The following GTF2A1L variants were observed in gnomAD, a reference collection of about 807,000 sequenced individuals.
GTF2A1L encodes the protein general transcription factor IIA subunit 1 like.
In GTF2A1L, 48 loss-of-function variants were observed where a neutral mutation model predicts 49.7. The observed-to-expected ratio is 0.97, with a 90% CI of 0.77 to 1.23. GTF2A1L has a LOEUF of 1.23. Ranked by LOEUF, GTF2A1L falls within the 50% of genes most tolerant of loss-of-function variation. The probability of loss-of-function intolerance (pLI) is 0.00; values close to 1 mark genes in which losing one functional copy is unlikely to be tolerated. For synonymous variants in GTF2A1L, 246 were observed against 193.5 expected (o/e 1.27, Z -2.25); for missense variants, 736 against 564.8 (o/e 1.30, Z -3.07).
chr2:48,641,237 A>G (rs1193620626), intron 3 of GTF2A1L, among the ~76,000 whole-genome samples: 1 of 152,176 alleles, frequency 6.6e-6, no homozygotes, highest in Non-Finnish European at 1.5e-5. Context: ...CTGCCAGTTC[A>G]ATTCTTTCTA....
intron 3 of GTF2A1L, among the ~76,000 whole-genome samples, chr2:48,622,654 C>T (rs751302484): frequency 6.6e-6 from 1 of 151,992 alleles, no homozygotes; most frequent in African/African-American, 2.4e-5. Flanking sequence ...AACCCTGTCT[C>T]TACTTAAAAA....
intron 8 of GTF2A1L, among the ~76,000 whole-genome samples, chr2:48,676,376 G>C (rs879712441): frequency 1.3e-5 from 2 of 151,646 alleles, no homozygotes; most frequent in African/African-American, 2.4e-5. Context: ...TGGGATTCTG[G>C]GTCAAAGGGC....
chr2:48,676,050 A>G (rs1250448342), intron 8 of GTF2A1L, among the ~76,000 whole-genome samples: 1 of 151,946 alleles, frequency 6.6e-6, no homozygotes, highest in Non-Finnish European at 1.5e-5. Context: ...TTTGAATGCA[A>G]ATAAGTAGTT....
intron 6 of GTF2A1L, among the ~76,000 whole-genome samples, chr2:48,656,243 T>C (rs1438690219): frequency 2.0e-5 from 3 of 152,078 alleles, no homozygotes; most frequent in Non-Finnish European, 4.4e-5. Context: ...TTTAATCTTA[T>C]TAGGAACTGC....
intron 1 of GTF2A1L, among the ~76,000 whole-genome samples, chr2:48,618,623 C>T (rs1392950872): frequency 6.6e-6 from 1 of 152,170 alleles, no homozygotes; most frequent in Non-Finnish European, 1.5e-5. Flanking sequence ...AGTATAACAG[C>T]TCCATTTTTA....
chr2:48,674,972 G>A (rs1017776590), intron 8 of GTF2A1L, among the ~76,000 whole-genome samples: 7 of 152,246 alleles, frequency 4.6e-5, no homozygotes, highest in Middle Eastern at 3.4e-3. Context: ...GGGGAGTGAT[G>A]TAGTCAGAAG....
At chr2:48,618,598 G>C (rs1366427290) in intron 1 of GTF2A1L, among the ~76,000 whole-genome samples, 1 of 152,114 alleles carries the variant, frequency 6.6e-6, no homozygotes, top group African/African-American at 2.4e-5. Flanking sequence ...TATGGGTTCC[G>C]GGTATTATAT....
At chr2:48,632,406 CAG>C (rs756700795) in intron 3 of GTF2A1L, 1 of 149,298 alleles carries the variant, frequency 6.7e-6, no homozygotes, top group Non-Finnish European at 1.5e-5. Context: ...TTTTTTTTGA[CAG>C]AGTCTTACTC....
At chr2:48,628,491 T>C (rs1676411607) in intron 3 of GTF2A1L, among the ~76,000 whole-genome samples, 1 of 144,428 alleles carries the variant, frequency 6.9e-6, no homozygotes, top group Non-Finnish European at 1.6e-5. Context: ...TGGAGCATTT[T>C]TTCATATATT....
chr2:48,631,827 C>T (rs1299682857), intron 3 of GTF2A1L, among the ~76,000 whole-genome samples: 1 of 152,086 alleles, frequency 6.6e-6, no homozygotes, highest in Non-Finnish European at 1.5e-5. Context: ...ACTGCTTTTG[C>T]TTCATCTCAG....
At chr2:48,652,698 C>A (rs1677922118) in intron 6 of GTF2A1L, among the ~76,000 whole-genome samples, 4 of 150,774 alleles carry the variant, frequency 2.7e-5, no homozygotes, top group Admixed American at 1.3e-4. Flanking sequence ...TTATTATTAT[C>A]ATTTATTTAT....
At chr2:48,643,847 C>T (rs1023694130) in intron 4 of GTF2A1L, among the ~76,000 whole-genome samples, 3 of 151,782 alleles carry the variant, frequency 2.0e-5, no homozygotes, top group Non-Finnish European at 4.4e-5. Flanking sequence ...TACAGACGCC[C>T]GCCACCATGC....
intron 3 of GTF2A1L, among the ~76,000 whole-genome samples, chr2:48,637,158 C>T (rs138064843): frequency 5.3e-5 from 8 of 152,178 alleles, no homozygotes; most frequent in African/African-American, 1.9e-4. Context: ...AATGCGTATT[C>T]ACAAAGAAGA....
chr2:48,624,469 TAGA>T (rs1294039436), intron 3 of GTF2A1L, among the ~76,000 whole-genome samples: 1 of 143,724 alleles, frequency 7.0e-6, no homozygotes. Flanking sequence ...TATAGATAGA[TAGA>T]TAGATAGATA....
At chr2:48,659,229 C>T (rs994197172) in intron 6 of GTF2A1L, among the ~76,000 whole-genome samples, 13 of 152,016 alleles carry the variant, frequency 8.6e-5, no homozygotes, top group Non-Finnish European at 1.5e-5. Context: ...GGATGTCTAC[C>T]TTTCTAGCAA....
chr2:48,621,075 T>G, intron 2 of GTF2A1L, 92 bp from the exon 3 acceptor site: 1 of 1,518,238 alleles, frequency 6.6e-7, no homozygotes, highest in Non-Finnish European at 8.8e-7. Context: ...GCCATCAGGA[T>G]GACGTTAGTT....
chr2:48,672,278 G>C (rs907776284), intron 8 of GTF2A1L, among the ~76,000 whole-genome samples: 6 of 152,210 alleles, frequency 3.9e-5, no homozygotes, highest in Non-Finnish European at 8.8e-5. Context: ...TGAAGAGATA[G>C]CTCTGGCTTG....
intron 6 of GTF2A1L, among the ~76,000 whole-genome samples, chr2:48,647,404 ACTT>A (rs932944926): frequency 1.3e-5 from 2 of 152,176 alleles, no homozygotes; most frequent in Non-Finnish European, 2.9e-5. Context: ...GAATTATAAT[ACTT>A]CTTCAGAGAA....
At chr2:48,650,803 A>G (rs1450882879) in intron 6 of GTF2A1L, among the ~76,000 whole-genome samples, 3 of 152,322 alleles carry the variant, frequency 2.0e-5, no homozygotes, top group African/African-American at 7.2e-5. Context: ...CAGGCAATAT[A>G]TAATTATCAT....
Sources: allele counts gnomAD v4.1 joint callset (sites outside exome capture counted in the v4.1 genomes callset), GRCh38; gene constraint gnomAD v4.1.1; transcripts MANE v1.5; gene names NCBI Gene and HGNC (gene_info 2026-07-23, HGNC 2026-07-21).